Variants in SLIT3 observed in about 807,000 individuals in gnomAD.
The protein encoded by SLIT3 is slit guidance ligand 3, also known as slit homolog 3 protein.
A neutral mutation model predicts 184.0 loss-of-function variants in SLIT3; 68 were observed. That is an observed-to-expected ratio of 0.37 (90% confidence interval 0.30 to 0.45). The LOEUF is 0.45. Among genes scored for constraint, SLIT3 ranks in the 20% least tolerant of loss-of-function variants. The probability of loss-of-function intolerance (pLI) is 1.00; values close to 1 mark genes in which losing one functional copy is unlikely to be tolerated. For missense variants in SLIT3, 1,707 were observed against 2,026.0 expected, an observed-to-expected ratio of 0.84 and a Z score of 3.02; for synonymous variants, 831 against 828.6, an observed-to-expected ratio of 1.00 and a Z score of -0.05.
chr5:168,715,058 T>C (rs1372246110), intron 23 of SLIT3, among the ~76,000 whole-genome samples: 1 of 152,136 alleles, frequency 6.6e-6, no homozygotes, highest in Non-Finnish European at 1.5e-5. Context: ...TGGGTGTGGG[T>C]GGGTGAATTC....
At chr5:168,983,162 T>C (rs76748653) in intron 4 of SLIT3, among the ~76,000 whole-genome samples, 9,700 of 152,250 alleles carry the variant, frequency 0.064, 404 homozygotes, top group African/African-American at 0.12. Context: ...TGGATTTGAA[T>C]GTCAAAAGGC....
intron 4 of SLIT3, among the ~76,000 whole-genome samples, chr5:168,990,760 A>G (rs1363035345): frequency 2.0e-5 from 3 of 152,198 alleles, no homozygotes; most frequent in African/African-American, 7.2e-5. Context: ...TGGGTGGGTT[A>G]GTAATGTCCC....
intron 9 of SLIT3, among the ~76,000 whole-genome samples, chr5:168,801,780 C>T (rs1756774843): frequency 2.0e-5 from 3 of 152,018 alleles, no homozygotes; most frequent in Admixed American, 2.0e-4. Context: ...AGCTCAGCTT[C>T]GAAGAAAATC....
At chr5:169,126,704 C>T (rs575268691) in intron 4 of SLIT3, among the ~76,000 whole-genome samples, 69 of 152,324 alleles carry the variant, frequency 4.5e-4, no homozygotes, top group African/African-American at 1.6e-3. Context: ...CTGGAGATGC[C>T]CGAGTCTGCC....
intron 4 of SLIT3, among the ~76,000 whole-genome samples, chr5:169,098,047 T>A (rs972359673): frequency 6.6e-6 from 1 of 152,142 alleles, no homozygotes; most frequent in Non-Finnish European, 1.5e-5. Flanking sequence ...TCAGAAAGGA[T>A]GCCCAGAGCA....
chr5:168,672,316 C>A (rs541858234), intron 33 of SLIT3, among the ~76,000 whole-genome samples: 111 of 152,278 alleles, frequency 7.3e-4, no homozygotes, highest in African/African-American at 2.5e-3. Context: ...CTTCTGGGCC[C>A]GTGCTAGTCT....
intron 34 of SLIT3, 89 bp from the exon 35 acceptor site, chr5:168,670,080 G>T: frequency 9.3e-7 from 1 of 1,075,964 alleles, no homozygotes; most frequent in Non-Finnish European, 1.4e-6. Context: ...GGGACCAGGG[G>T]ACCCGGAGCT....
intron 4 of SLIT3, among the ~76,000 whole-genome samples, chr5:169,186,071 C>A (rs957013009): frequency 4.6e-5 from 7 of 152,182 alleles, no homozygotes; most frequent in African/African-American, 7.2e-5. Context: ...AGTAAATTCA[C>A]CACACACATT....
rs779668994 is a variant in SLIT3, at chr5:168,785,881, C to G, written c.1151+26G>C. 19 of 1,571,276 alleles carry G rather than the reference C, an allele frequency of 1.2e-5. No individual in the cohort carries two copies. The East Asian group carries it at 4.3e-4, about 35-fold the overall frequency. ...GAGCCTTCCGACAGTACCAAAGACA[C>G]CAACAGTGACAAAGTTCCTACTCAC... is the stretch of plus-strand genomic sequence containing the variant. On this transcript the variant is annotated intron_variant, in intron 12 of 35. Coordinates refer to ENST00000519560, the MANE Select transcript of SLIT3 (RefSeq NM_003062.4).
At chr5:169,019,350 T>C (rs1756512057) in intron 4 of SLIT3, among the ~76,000 whole-genome samples, 1 of 152,200 alleles carries the variant, frequency 6.6e-6, no homozygotes, top group Non-Finnish European at 1.5e-5. Flanking sequence ...TTGCGTTAAA[T>C]TGTGGGTTGC....
chr5:169,206,143 G>A (rs12520599), intron 3 of SLIT3, among the ~76,000 whole-genome samples: 10,473 of 152,262 alleles, frequency 0.069, 449 homozygotes, highest in South Asian at 0.13. Context: ...TTGGGGGCAG[G>A]GAAGAGGGAC....
chr5:168,952,031 A>G (rs1337961255), intron 4 of SLIT3, among the ~76,000 whole-genome samples: 1 of 152,276 alleles, frequency 6.6e-6, no homozygotes, highest in Non-Finnish European at 1.5e-5. Flanking sequence ...CCTGTCTTGA[A>G]TCTTCTAGAG....
At chr5:169,021,410 A>T (rs1003412969) in intron 4 of SLIT3, among the ~76,000 whole-genome samples, 2 of 151,746 alleles carry the variant, frequency 1.3e-5, no homozygotes, top group East Asian at 3.9e-4. Context: ...GAGTGCAGTG[A>T]TATGATCTCG....
chr5:168,693,576 CTCAAATTCCACTAGG>C, intron 28 of SLIT3, among the ~76,000 whole-genome samples: 1 of 152,246 alleles, frequency 6.6e-6, no homozygotes, highest in South Asian at 2.1e-4. Flanking sequence ...TTTGGGTTTC[CTCAAATTCCACTAGG>C]TCAAGCCAGA....
chr5:169,031,381 T>C (rs1490154137), intron 4 of SLIT3, among the ~76,000 whole-genome samples: 2 of 152,218 alleles, frequency 1.3e-5, no homozygotes, highest in African/African-American at 2.4e-5. Context: ...TCATAGAAGA[T>C]GCCTTCTGAT....
At chr5:168,676,893 C>G (rs1237822412) in intron 32 of SLIT3, among the ~76,000 whole-genome samples, 4 of 152,208 alleles carry the variant, frequency 2.6e-5, no homozygotes, top group African/African-American at 9.7e-5. Context: ...GCAGCTGGCT[C>G]CAGGCCCAAC....
chr5:168,976,412 T>C (rs1253307746), intron 4 of SLIT3, among the ~76,000 whole-genome samples: 4 of 152,208 alleles, frequency 2.6e-5, no homozygotes, highest in Non-Finnish European at 5.9e-5. Context: ...TACCACTGCC[T>C]AGTTGTTGCT....
chr5:168,865,381 C>T (rs1373786483), intron 5 of SLIT3, among the ~76,000 whole-genome samples: 1 of 152,158 alleles, frequency 6.6e-6, no homozygotes, highest in African/African-American at 2.4e-5. Flanking sequence ...GAAGTATACC[C>T]ATACTCTGGA....
At chr5:168,842,359 A>T (rs952960789) in intron 6 of SLIT3, among the ~76,000 whole-genome samples, 1 of 150,402 alleles carries the variant, frequency 6.6e-6, no homozygotes, top group Non-Finnish European at 1.5e-5. Flanking sequence ...ATCAGATCCT[A>T]TGGGCTCTTT....
Sources: gnomAD v4.1 joint callset for allele counts (sites outside exome capture counted in the v4.1 genomes callset) on GRCh38, gnomAD v4.1.1 for gene constraint, MANE v1.5 for transcripts, NCBI Gene and HGNC (gene_info 2026-07-23, HGNC 2026-07-21) for gene names.